The following CDON variants were observed in gnomAD, a reference collection of about 807,000 sequenced individuals.
CDON encodes the protein cell adhesion associated, oncogene regulated, also known as cell adhesion molecule-related/down-regulated by oncogenes.
CDON carries 73 observed loss-of-function variants against 120.9 expected under a neutral mutation model. The ratio of observed to expected loss-of-function variants is 0.60; its 90% CI spans 0.50 to 0.73. The LOEUF (loss-of-function observed/expected upper bound fraction) is 0.73, where lower values mean the gene tolerates loss of function less well. Ranked by LOEUF, CDON falls within the 30% of genes least tolerant of loss-of-function variation. The probability of loss-of-function intolerance (pLI) is 0.00; values close to 1 mark genes in which losing one functional copy is unlikely to be tolerated. For missense variants in CDON, 1,470 were observed against 1,587.3 expected (o/e 0.93, Z 1.26); for synonymous variants, 566 against 573.5 (o/e 0.99, Z 0.19).
At chr11:126,010,267 A>G in intron 8 of CDON, 74 bp downstream of exon 8, 2 of 1,036,250 alleles carry the variant, frequency 1.9e-6, no homozygotes. Flanking sequence ...TTAAAATAAC[A>G]TATTTCAAAT....
At chr11:126,025,937 G>C (rs1371487225) in intron 1 of CDON, among the ~76,000 whole-genome samples, 1 of 152,040 alleles carries the variant, frequency 6.6e-6, no homozygotes, top group Non-Finnish European at 1.5e-5. Context: ...TCTCTTCTAT[G>C]CTACCTCTAC....
chr11:126,055,317 C>T (rs2134947091), intron 1 of CDON, among the ~76,000 whole-genome samples: 1 of 152,138 alleles, frequency 6.6e-6, no homozygotes, highest in South Asian at 2.1e-4. Context: ...AGGCCCACTT[C>T]TAAGCTACAG....
At chr11:126,047,522 A>G (rs1011502926) in intron 1 of CDON, among the ~76,000 whole-genome samples, 1 of 152,192 alleles carries the variant, frequency 6.6e-6, no homozygotes, top group Non-Finnish European at 1.5e-5. Flanking sequence ...CATTTTGTCA[A>G]TAAAAGCACT....
At chr11:126,050,263 A>G (rs1165114236) in intron 1 of CDON, among the ~76,000 whole-genome samples, 1 of 152,064 alleles carries the variant, frequency 6.6e-6, no homozygotes, top group African/African-American at 2.4e-5. Flanking sequence ...AGCTATTTTA[A>G]TCTATTCCTA....
intron 1 of CDON, among the ~76,000 whole-genome samples, chr11:126,026,676 T>C (rs1947802065): frequency 6.6e-6 from 1 of 152,188 alleles, no homozygotes; most frequent in Non-Finnish European, 1.5e-5. Context: ...TGACCTCCTT[T>C]AAAAAGTGGG....
At chr11:126,047,355 C>A (rs1948430685) in intron 1 of CDON, among the ~76,000 whole-genome samples, 1 of 152,088 alleles carries the variant, frequency 6.6e-6, no homozygotes, top group Non-Finnish European at 1.5e-5. Context: ...TACAGCACTC[C>A]CCTAACTGCT....
intron 7 of CDON, among the ~76,000 whole-genome samples, chr11:126,012,761 TATTA>T (rs1565528102): frequency 6.6e-6 from 1 of 152,150 alleles, no homozygotes; most frequent in Admixed American, 6.5e-5. Flanking sequence ...TGCTAAATAT[TATTA>T]TTTATCATAA....
At chr11:126,020,909 A>G (rs888455015) in intron 3 of CDON, among the ~76,000 whole-genome samples, 14 of 152,102 alleles carry the variant, frequency 9.2e-5, no homozygotes, top group African/African-American at 2.7e-4. Context: ...GATATCATGG[A>G]TTTCCAAGCA....
intron 1 of CDON, among the ~76,000 whole-genome samples, chr11:126,050,535 CAA>C (rs1555140424): frequency 7.2e-6 from 1 of 138,994 alleles, no homozygotes; most frequent in Non-Finnish European, 1.6e-5. Flanking sequence ...CACACACAAA[CAA>C]AAAAAAGTCT....
chr11:125,989,529 G>A (rs749533437), intron 15 of CDON, 108 bp downstream of exon 15: 469 of 1,041,388 alleles, frequency 4.5e-4, no homozygotes, highest in South Asian at 5.5e-4. Flanking sequence ...GAGTGAGACC[G>A]TGTCTCAAAA....
intron 7 of CDON, among the ~76,000 whole-genome samples, chr11:126,011,480 C>T (rs1272354784): frequency 6.6e-6 from 1 of 152,196 alleles, no homozygotes; most frequent in Non-Finnish European, 1.5e-5. Flanking sequence ...TTCCTGAGGA[C>T]TAATGAGGCT....
intron 2 of CDON, among the ~76,000 whole-genome samples, chr11:126,023,033 C>T (rs76774526): frequency 0.024 from 3,616 of 152,294 alleles, 146 homozygotes; most frequent in African/African-American, 0.082. Flanking sequence ...CAGTATCATG[C>T]TGATTCTAAA....
At chr11:125,990,009 A>G (rs1214273091) in intron 14 of CDON, among the ~76,000 whole-genome samples, 2 of 152,208 alleles carry the variant, frequency 1.3e-5, no homozygotes, top group Admixed American at 1.3e-4. Context: ...TGTGTTGGCA[A>G]TAATACTTGT....
intron 16 of CDON, 152 bp downstream of exon 16, chr11:125,983,720 G>C (rs1258004893): frequency 2.8e-6 from 2 of 708,672 alleles, no homozygotes; most frequent in African/African-American, 3.5e-5. Flanking sequence ...AGCTAGAACA[G>C]TTTTAAAGTC....
At chr11:125,962,190 C>T (rs966765706) in intron 18 of CDON, among the ~76,000 whole-genome samples, 192 bp from the exon 19 acceptor site, 3 of 152,290 alleles carry the variant, frequency 2.0e-5, no homozygotes, top group African/African-American at 2.4e-5. Context: ...AAGTGCCATA[C>T]AACAGGAGAA....
chr11:126,044,180 C>T (rs529835342), intron 1 of CDON, among the ~76,000 whole-genome samples: 2 of 152,320 alleles, frequency 1.3e-5, no homozygotes, highest in Non-Finnish European at 2.9e-5. Context: ...ACATACTGCA[C>T]AGATCCCATG....
intron 18 of CDON, among the ~76,000 whole-genome samples, chr11:125,964,085 C>T (rs1945724309): frequency 6.6e-6 from 1 of 152,194 alleles, no homozygotes; most frequent in Non-Finnish European, 1.5e-5. Context: ...CAGTGTCTTC[C>T]TTTCCTGCAT....
At chr11:126,055,673 T>C (rs1948664393) in intron 1 of CDON, among the ~76,000 whole-genome samples, 1 of 152,190 alleles carries the variant, frequency 6.6e-6, no homozygotes, top group Admixed American at 6.5e-5. Context: ...GGGACATTTA[T>C]TAATGTTTAC....
At chr11:126,039,575 A>G (rs1279834806) in intron 1 of CDON, among the ~76,000 whole-genome samples, 3 of 152,140 alleles carry the variant, frequency 2.0e-5, no homozygotes, top group Non-Finnish European at 4.4e-5. Context: ...GAGACTTAAC[A>G]TTTTCACTGT....
Sources: allele counts gnomAD v4.1 joint callset (sites outside exome capture counted in the v4.1 genomes callset), GRCh38; gene constraint gnomAD v4.1.1; transcripts MANE v1.5; gene names NCBI Gene and HGNC (gene_info 2026-07-23, HGNC 2026-07-21).